DPYSL5: variants seen among roughly 807,000 people sequenced by gnomAD.
DPYSL5 encodes dihydropyrimidinase like 5.
A neutral mutation model predicts 58.4 loss-of-function variants in DPYSL5; 9 were observed. The observed-to-expected ratio is 0.15, with a 90% CI of 0.09 to 0.27. The LOEUF is 0.27. DPYSL5 is among the 10% of genes least tolerant of loss of function. The pLI, the probability that DPYSL5 is intolerant of heterozygous loss-of-function variation, is 1.00. For missense variants in DPYSL5, 499 were observed against 770.6 expected (o/e 0.65, Z 4.17); for synonymous variants, 293 against 301.9 (o/e 0.97, Z 0.31).
intron 1 of DPYSL5, among the ~76,000 whole-genome samples, chr2:26,896,548 A>G (rs898061420): frequency 2.0e-5 from 3 of 152,098 alleles, no homozygotes; most frequent in Admixed American, 6.6e-5. Flanking sequence ...GCCAACACTT[A>G]TCTTTCATCT....
chr2:26,932,044 GAAAGGAAA>G (rs1665006908), intron 6 of DPYSL5, among the ~76,000 whole-genome samples: 2 of 43,578 alleles, frequency 4.6e-5, no homozygotes. Context: ...AGAAAAGAAA[GAAAGGAAA>G]GAAAGAAAGA....
intron 1 of DPYSL5, among the ~76,000 whole-genome samples, chr2:26,893,927 G>C (rs1039297269): frequency 1.3e-5 from 2 of 151,928 alleles, no homozygotes; most frequent in Admixed American, 1.3e-4. Flanking sequence ...GTCAGAGTTT[G>C]TCCTATATTT....
At position 26,925,114 on chromosome 2, in the gene DPYSL5, G is replaced by T; in HGVS notation, c.420+69G>T. On this transcript the variant is annotated intron_variant, in intron 3 of 12. Coordinates refer to ENST00000288699, the MANE Select transcript of DPYSL5 (RefSeq NM_020134.4). This position sits in a 1 kb window ranked among gnomAD's most constrained non-coding sequence, Gnocchi z 4.5. ...TGTAGGCAGAGGGGCTGGTTGGGGT[G>T]CAGTGCCTCCTGCTTGTGTGGGGCA... 2 of 1,564,298 alleles carry T rather than the reference G, an allele frequency of 1.3e-6. No individual in the cohort carries two copies. The highest frequency in any genetic ancestry group is 8.7e-7 in the Non-Finnish European group (1 of 1,151,576).
chr2:26,946,080 G>T (rs1665473040), intron 12 of DPYSL5, among the ~76,000 whole-genome samples: 1 of 152,150 alleles, frequency 6.6e-6, no homozygotes, highest in Non-Finnish European at 1.5e-5. Context: ...AGTCAGAAAG[G>T]GACCCTGGCA....
At chr2:26,893,660 A>G (rs1663943183) in intron 1 of DPYSL5, among the ~76,000 whole-genome samples, 1 of 152,172 alleles carries the variant, frequency 6.6e-6, no homozygotes, top group African/African-American at 2.4e-5. Context: ...AGTATTCTGT[A>G]CTGGATGCTG....
At chr2:26,879,013 TGTTG>T (rs1207346385) in intron 1 of DPYSL5, among the ~76,000 whole-genome samples, 3 of 152,222 alleles carry the variant, frequency 2.0e-5, no homozygotes, top group Non-Finnish European at 4.4e-5. Flanking sequence ...CCTATTGAAA[TGTTG>T]GTTGATGCAT....
chr2:26,934,472 C>G lies in DPYSL5; in HGVS notation c.791-106C>G. On this transcript the variant is annotated intron_variant, in intron 7 of 12. Coordinates refer to ENST00000288699, the MANE Select transcript of DPYSL5 (RefSeq NM_020134.4). The surrounding 1 kb of genome is among the most constrained non-coding windows in gnomAD (Gnocchi z 4.3). Reference sequence around the variant, plus strand: ...CCCTGTGAGCTTGGGCAGGTCCCTTCCTGTCTCTGACCTCAGCTCCTTCAC... The same window carrying G: ...CCCTGTGAGCTTGGGCAGGTCCCTTGCTGTCTCTGACCTCAGCTCCTTCAC... 1 of 1,394,458 alleles carries G rather than the reference C, an allele frequency of 7.2e-7. No individual in the cohort carries two copies. Among genetic ancestry groups the G allele is most frequent in the Non-Finnish European group, 9.7e-7 (1 of 1,029,320 alleles). 86.4% of individuals were successfully genotyped at this position (1,394,458 alleles called of 1,614,324 possible). A position where few individuals can be genotyped will look rare whatever the true frequency, so the allele number is the denominator to read the frequency against.
At chr2:26,939,814 CACAG>C (rs1665270624) in intron 8 of DPYSL5, 1 of 557,570 alleles carries the variant, frequency 1.8e-6, no homozygotes, top group Non-Finnish European at 3.2e-6. Flanking sequence ...TCTCCTGTGA[CACAG>C]ACAGACTGTG....
chr2:26,870,708 CAAA>C (rs576919628), intron 1 of DPYSL5, among the ~76,000 whole-genome samples: 6 of 80,384 alleles, frequency 7.5e-5, no homozygotes, highest in Non-Finnish European at 5.2e-5. Context: ...GACTCTGTCT[CAAA>C]AAAAAAAAAA....
rs1423258131 is a variant in DPYSL5 at position 26,849,193 on chromosome 2, G to C, written c.-5+939G>C. On this transcript the variant is annotated intron_variant, in intron 1 of 12. Coordinates refer to ENST00000288699, the MANE Select transcript of DPYSL5 (RefSeq NM_020134.4). This position sits in a 1 kb window ranked among gnomAD's most constrained non-coding sequence, Gnocchi z 6.2. Reference sequence around the variant, plus strand: ...AGGGAAGGAGCTCGGTGCAGGTGGCGCCCGGCGAGGCTGGTTCTGCTGAAG... The same window carrying C: ...AGGGAAGGAGCTCGGTGCAGGTGGCCCCCGGCGAGGCTGGTTCTGCTGAAG... 1.3e-5 allele frequency among the ~76,000 whole-genome samples: 2 copies of C among 151,886 alleles called. No individual in the cohort carries two copies. The highest frequency in any genetic ancestry group is 6.6e-5 in the Admixed American group (1 of 15,260).
chr2:26,863,857 A>G (rs934367582), intron 1 of DPYSL5, among the ~76,000 whole-genome samples: 1 of 152,176 alleles, frequency 6.6e-6, no homozygotes, highest in Non-Finnish European at 1.5e-5. Context: ...TTGAAGCCAC[A>G]TTTTTTAATC....
chr2:26,908,273 G>A (rs761930825), intron 2 of DPYSL5, among the ~76,000 whole-genome samples: 1 of 152,102 alleles, frequency 6.6e-6, no homozygotes, highest in South Asian at 2.1e-4. Context: ...CCTAGCGTTC[G>A]AATTTCTGTG....
At chr2:26,859,951 C>T (rs570146342) in intron 1 of DPYSL5, among the ~76,000 whole-genome samples, 5 of 152,250 alleles carry the variant, frequency 3.3e-5, no homozygotes, top group East Asian at 1.9e-4. Flanking sequence ...ACGGGCAGTG[C>T]GATTTCCAGG....
rs1369917699 is a variant in DPYSL5, at chr2:26,942,399, G to GCCAT, written c.1233-144_1233-143insCCAT. 3.1e-6 allele frequency: 3 copies of GCCAT among 966,666 alleles called. No homozygotes were observed. The African/African-American group carries it at 4.9e-5, about 16-fold the overall frequency. 59.9% of individuals were successfully genotyped at this position (966,666 alleles called of 1,614,324 possible). A position where few individuals can be genotyped will look rare whatever the true frequency, so the allele number is the denominator to read the frequency against. ...AAATAGTGCCATGTTCTGAGGTTCTGGGTGTTAGAACTTCAGCAGAAGAAT... is the reference window on the plus strand; with the variant it reads ...AAATAGTGCCATGTTCTGAGGTTCTGCCATGGTGTTAGAACTTCAGCAGAAGAAT... On this transcript the variant is annotated intron_variant, in intron 10 of 12. Coordinates refer to ENST00000288699, the MANE Select transcript of DPYSL5 (RefSeq NM_020134.4). This position sits in a 1 kb window ranked among gnomAD's most constrained non-coding sequence, Gnocchi z 5.9.
chr2:26,940,302 T>A (rs1273247014), intron 9 of DPYSL5, 130 bp downstream of exon 9: 6 of 1,139,126 alleles, frequency 5.3e-6, no homozygotes, highest in Non-Finnish European at 7.0e-6. Context: ...GCTGGTTCAA[T>A]CCCAGCTGTT....
rs368745376 is a variant in DPYSL5 at position 26,879,997 on chromosome 2, C to T, written c.-4-18499C>T. On this transcript the variant is annotated intron_variant, in intron 1 of 12. Coordinates refer to ENST00000288699, the MANE Select transcript of DPYSL5 (RefSeq NM_020134.4). ...CCTCGACCTCCCAGGCTCAAGTGAT[C>T]CTCCTGCCTCAGCCTCCTGAGCAGC... Among the ~76,000 whole-genome samples the T allele has an allele frequency of 3.2e-3, 481 of 152,174 alleles. 1 individual carries two copies. Among genetic ancestry groups the T allele is most frequent in the Non-Finnish European group, 5.0e-3 (338 of 67,994 alleles).
chr2:26,914,611 A>G (rs1342927616), intron 2 of DPYSL5, among the ~76,000 whole-genome samples: 1 of 152,110 alleles, frequency 6.6e-6, no homozygotes, highest in Admixed American at 6.5e-5. Flanking sequence ...TGAAGGGAGG[A>G]GGGGAAGCAG....
At chr2:26,931,203 G>GTGTATATA (rs1474347605) in intron 5 of DPYSL5, among the ~76,000 whole-genome samples, 1 of 44,910 alleles carries the variant, frequency 2.2e-5, no homozygotes, top group African/African-American at 8.1e-5. Context: ...GTGTGTGTGT[G>GTGTATATA]TATATATATA....
In DPYSL5 at chr2:26,881,867, G is replaced by A. The variant is rs1311989178; in HGVS notation, c.-4-16629G>A. Among the ~76,000 whole-genome samples the A allele has an allele frequency of 3.3e-5, 5 of 152,068 alleles. No individual in the cohort carries two copies. In the South Asian group the frequency reaches 6.2e-4, roughly 19 times the overall value. ...AGCACTTTGGGAGGCCGAGGCAGGT[G>A]GATCACGAGGTCAGGAGATCAAGAC... On this transcript the variant is annotated intron_variant, in intron 1 of 12. Coordinates refer to ENST00000288699, the MANE Select transcript of DPYSL5 (RefSeq NM_020134.4).
Sources: gnomAD v4.1 joint callset for allele counts (sites outside exome capture counted in the v4.1 genomes callset) on GRCh38, gnomAD v4.1.1 for gene constraint, Gnocchi (gnomAD v3.1) non-coding constraint, MANE v1.5 for transcripts, NCBI Gene and HGNC (gene_info 2026-07-23, HGNC 2026-07-21) for gene names.